Variants in PPFIA3 observed in about 807,000 individuals in gnomAD.
The protein encoded by PPFIA3 is PPFI scaffold protein A3.
Under a neutral mutation model 145.8 loss-of-function variants are expected in PPFIA3, and 26 were observed. That is an observed-to-expected ratio of 0.18 (90% CI 0.13 to 0.25). PPFIA3 has a LOEUF of 0.25. PPFIA3 is among the 10% of genes least tolerant of loss of function. The pLI is 1.00. For missense variants in PPFIA3, 1,008 were observed against 1,587.8 expected, an observed-to-expected ratio of 0.63 and a Z score of 6.21; for synonymous variants, 645 against 661.4, an observed-to-expected ratio of 0.98 and a Z score of 0.38.
At chr19:49,148,632 G>A (rs756056178) in intron 24 of PPFIA3, 34 bp from the exon 25 acceptor site, 1 of 1,538,006 alleles carries the variant, frequency 6.5e-7, no homozygotes, top group Non-Finnish European at 9.0e-7. Flanking sequence ...GGACTGGAAA[G>A]CTCATCCGTG....
intron 14 of PPFIA3, 52 bp downstream of exon 14, chr19:49,135,975 G>C (rs563772486): frequency 3.4e-6 from 5 of 1,488,870 alleles, no homozygotes; most frequent in Non-Finnish European, 4.5e-6. Flanking sequence ...GCGGGCAGCT[G>C]TAGGAAGTGG....
intron 15 of PPFIA3, chr19:49,137,184 G>T: frequency 2.8e-6 from 1 of 352,432 alleles, no homozygotes; most frequent in Non-Finnish European, 5.1e-6. Flanking sequence ...TCCTCTTGAT[G>T]CATCAAGAAT....
chr19:49,139,488 T>TC (rs2041185021), intron 16 of PPFIA3, among the ~76,000 whole-genome samples, 180 bp from the exon 17 acceptor site: 2 of 97,364 alleles, frequency 2.1e-5, no homozygotes, highest in South Asian at 6.6e-4. Flanking sequence ...AAACTCCATC[T>TC]CAAAAAAAAA....
rs1293866445 is a variant in PPFIA3, at chr19:49,134,645, C to T, written c.1384C>T (p.Leu462=). Residue 462 remains leucine (L), a synonymous_variant, in exon 12 of 30, where the codon CTG becomes TTG. Transcript: ENST00000334186. ...RMGALEEKNS[L]SEEIANMKKL... Reference sequence around the variant, plus strand: ...TTCACCTCTGTCTCCACAGAACTCCCTGAGCGAGGAGATAGCCAACATGAA... The same window carrying T: ...TTCACCTCTGTCTCCACAGAACTCCTTGAGCGAGGAGATAGCCAACATGAA... The T allele has an allele frequency of 1.2e-6, 2 of 1,613,666 alleles. No homozygotes were observed. Among genetic ancestry groups the T allele is most frequent in the African/African-American group, 2.7e-5 (2 of 74,952 alleles).
At chr19:49,146,655 C>A (rs551934838) in intron 23 of PPFIA3, among the ~76,000 whole-genome samples, 1 of 152,204 alleles carries the variant, frequency 6.6e-6, no homozygotes, top group African/African-American at 2.4e-5. Flanking sequence ...GGCGGCCGGG[C>A]GCAGTGGCTC....
At position 49,128,644 on chromosome 19, in the gene PPFIA3, T is replaced by C; in HGVS notation, c.342+176T>C. On this transcript the variant is annotated intron_variant, in intron 3 of 29. Coordinates refer to ENST00000334186, the MANE Select transcript of PPFIA3 (RefSeq NM_003660.4). This position sits in a 1 kb window ranked among gnomAD's most constrained non-coding sequence, Gnocchi z 4.1. ...TGGTCTCCCACTCTGGTGCCACTCC[T>C]TCCTCCCTGTCTCCATAACTTTTCT... 1 of 743,910 alleles carries C rather than the reference T, an allele frequency of 1.3e-6. No individual in the cohort carries two copies. The highest frequency in any genetic ancestry group is 2.2e-6 in the Non-Finnish European group (1 of 459,060). 46.1% of individuals were successfully genotyped at this position (743,910 alleles called of 1,614,324 possible). A position where few individuals can be genotyped will look rare whatever the true frequency, so the allele number is the denominator to read the frequency against.
Position 49,128,371 on chromosome 19 carries a change from T to G in PPFIA3, c.245T>G (p.Phe82Cys). The G allele has an allele frequency of 6.2e-7, 1 of 1,613,966 alleles. No homozygotes were observed. The highest frequency in any genetic ancestry group is 8.5e-7 in the Non-Finnish European group (1 of 1,179,918). Residue 82 changes from phenylalanine to cysteine, a missense_variant, in exon 3 of 30, where the codon TTT becomes TGT. Around this residue, in one of 11 missense-constraint regions of PPFIA3, gnomAD observed 108 missense variants for 144.3 expected, o/e 0.75. Transcript: ENST00000334186. The surrounding 1 kb of genome is among the most constrained non-coding windows in gnomAD (Gnocchi z 4.1). Reference sequence around the variant, plus strand: ...ATCCTGCCAATGTCTGGACAGGAGTTTGCAGCTCTGACGAAGGAGCTGAAC... The same window carrying G: ...ATCCTGCCAATGTCTGGACAGGAGTGTGCAGCTCTGACGAAGGAGCTGAAC... ...RQLSIALPQE[F>C]AALTKELNLC...
At position 49,128,237 on chromosome 19, in the gene PPFIA3, G is replaced by T; in HGVS notation, c.240+124G>T. Reference sequence around the variant, plus strand: ...TGGGCGAGGCTTGCCGTTAATGGGCGGGGCCTGAGTGGCAAGGGACAGCGG... The same window carrying T: ...TGGGCGAGGCTTGCCGTTAATGGGCTGGGCCTGAGTGGCAAGGGACAGCGG... On this transcript the variant is annotated intron_variant, in intron 2 of 29. Transcript: ENST00000334186. This position sits in a 1 kb window ranked among gnomAD's most constrained non-coding sequence, Gnocchi z 4.1. 6.7e-7 allele frequency: 1 copy of T among 1,490,298 alleles called. No homozygotes were observed. Among genetic ancestry groups the T allele is most frequent in the East Asian group, 2.3e-5 (1 of 42,970 alleles). 92.3% of individuals were successfully genotyped at this position (1,490,298 alleles called of 1,614,324 possible).
At chr19:49,139,885 AG>A in intron 17 of PPFIA3, 54 bp downstream of exon 17, 1 of 1,611,854 alleles carries the variant, frequency 6.2e-7, no homozygotes, top group Admixed American at 1.7e-5. Context: ...GAAGATGAGA[AG>A]GGGGTGGACA....
rs759347276 is a variant in PPFIA3, at chr19:49,143,020, C to T, written c.2745+16C>T. The T allele has an allele frequency of 3.2e-5, 51 of 1,596,926 alleles. No individual in the cohort carries two copies. The highest frequency in any genetic ancestry group is 4.0e-5 in the Non-Finnish European group (47 of 1,174,128). Reference sequence around the variant, plus strand: ...CTCCCGCACTGTGAGTGTCCGGCGGCCAATTCCAGCCTTCGCTTCCTCAGA... The same window carrying T: ...CTCCCGCACTGTGAGTGTCCGGCGGTCAATTCCAGCCTTCGCTTCCTCAGA... On this transcript the variant is annotated intron_variant, in intron 21 of 29. Transcript: ENST00000334186.
chr19:49,121,937 G>A (rs1254866729), intron 1 of PPFIA3, among the ~76,000 whole-genome samples: 1 of 151,634 alleles, frequency 6.6e-6, no homozygotes, highest in Admixed American at 6.6e-5. Context: ...CGCCTGGCCG[G>A]GCCACATTTC....
chr19:49,149,402 CTATT>C lies in PPFIA3; in HGVS notation c.3354+78_3354+81del. The C allele has an allele frequency of 2.5e-6, 4 of 1,593,834 alleles. No homozygotes were observed. Among genetic ancestry groups the C allele is most frequent in the Non-Finnish European group, 3.4e-6 (4 of 1,163,832 alleles). ...GCTGAGCTGAGGGGGCGGGGCCTGA[CTATT>C]AATGGTCACGGTTGGAGGCGGGGCC... On this transcript the variant is annotated intron_variant, in intron 27 of 29. Transcript: ENST00000334186. The surrounding 1 kb of genome is among the most constrained non-coding windows in gnomAD (Gnocchi z 5.7).
At chr19:49,145,825 G>GC in intron 21 of PPFIA3, 118 bp from the exon 22 acceptor site, 1 of 840,254 alleles carries the variant, frequency 1.2e-6, no homozygotes, top group Admixed American at 1.9e-5. Context: ...GTTACTGCTT[G>GC]CCCCAGAAAG....
chr19:49,140,452 G>C (rs776420693), intron 18 of PPFIA3, among the ~76,000 whole-genome samples: 3 of 150,918 alleles, frequency 2.0e-5, no homozygotes, highest in African/African-American at 4.9e-5. Flanking sequence ...GGGTTCAAGC[G>C]ATTCTCCTGC....
chr19:49,149,436 GA>G lies in PPFIA3; in HGVS notation c.3355-110del, dbSNP rs1447232488. ...GTCACGGTTGGAGGCGGGGCCAGGAGAGGGGCGGGGTTAAAGGAGAGGTGAG... is the reference window on the plus strand; with the variant it reads ...GTCACGGTTGGAGGCGGGGCCAGGAGGGGGCGGGGTTAAAGGAGAGGTGAG... On this transcript the variant is annotated intron_variant, in intron 27 of 29. Coordinates refer to ENST00000334186, the MANE Select transcript of PPFIA3 (RefSeq NM_003660.4). The surrounding 1 kb of genome is among the most constrained non-coding windows in gnomAD (Gnocchi z 5.7). 3.8e-6 allele frequency: 6 copies of G among 1,584,086 alleles called. No homozygotes were observed. In the Admixed American group the frequency reaches 5.1e-5, roughly 13 times the overall value.
At position 49,141,445 on chromosome 19, in the gene PPFIA3, G is replaced by A. The variant is rs2041220163; in HGVS notation, c.2394G>A (p.Leu798=). Residue 798 remains leucine (L), a synonymous_variant, in exon 19 of 30, where the codon CTG becomes CTA. Coordinates refer to ENST00000334186, the MANE Select transcript of PPFIA3 (RefSeq NM_003660.4). ...CTGGAACACCCTCAGATGAGACACT[G>A]GCCACTGACCCTCTGGGGCTAGCCA... The part of the protein sequence containing the change: ...SLAGTPSDET[L]ATDPLGLAKL... 6.2e-7 allele frequency: 1 copy of A among 1,613,948 alleles called. No homozygotes were observed. The highest frequency in any genetic ancestry group is 2.2e-5 in the East Asian group (1 of 44,886).
At chr19:49,138,157 G>A (rs188025384) in intron 15 of PPFIA3, 48 bp from the exon 16 acceptor site, 66 of 1,497,284 alleles carry the variant, frequency 4.4e-5, no homozygotes, top group East Asian at 9.9e-5. Flanking sequence ...TCCCTCTCCC[G>A]CTGTCTGCTG....
chr19:49,133,359 G>T lies in PPFIA3; in HGVS notation c.1149G>T (p.Ala383=), dbSNP rs147018094. The change falls in exon 9 of 30, where the codon GCG becomes GCT. Residue 383 remains alanine (A), a synonymous_variant. Coordinates refer to ENST00000334186, the MANE Select transcript of PPFIA3 (RefSeq NM_003660.4). The surrounding 1 kb of genome is among the most constrained non-coding windows in gnomAD (Gnocchi z 7.2). ...AGGCGCAGCTGGCGCAGCGCGTGGCGGCGCTCAACAAGGTGCGGGGAGGAC... is the reference window on the plus strand; with the variant it reads ...AGGCGCAGCTGGCGCAGCGCGTGGCTGCGCTCAACAAGGTGCGGGGAGGAC... The part of the protein sequence containing the change: ...EIEAQLAQRV[A]ALNKAEERHG... The T allele has an allele frequency of 1.9e-6, 3 of 1,605,370 alleles. No individual in the cohort carries two copies. The East Asian group carries it at 6.7e-5, about 36-fold the overall frequency.
At chr19:49,142,166 GC>G (rs759883315) in intron 20 of PPFIA3, 51 bp downstream of exon 20, 46 of 1,501,468 alleles carry the variant, frequency 3.1e-5, no homozygotes, top group Non-Finnish European at 4.1e-5. Flanking sequence ...CCCTCTGACA[GC>G]CCCACTGGTA....
Sources: gnomAD v4.1 joint callset for allele counts (sites outside exome capture counted in the v4.1 genomes callset) on GRCh38, gnomAD v4.1.1 for gene constraint, gnomAD v4.1.1 regional missense constraint, Gnocchi (gnomAD v3.1) non-coding constraint, MANE v1.5 for transcripts, NCBI Gene and HGNC (gene_info 2026-07-23, HGNC 2026-07-21) for gene names.